The following CAPN14 variants were observed in gnomAD, a reference collection of about 807,000 sequenced individuals.
The protein encoded by CAPN14 is calpain-14.
In CAPN14, 94 loss-of-function variants were observed where a neutral mutation model predicts 101.3. The ratio of observed to expected loss-of-function variants is 0.93; its 90% CI spans 0.79 to 1.10. CAPN14 has a LOEUF of 1.10. Ranked by LOEUF, CAPN14 falls within the 50% of genes least tolerant of loss-of-function variation. The probability of loss-of-function intolerance (pLI) is 0.00; values close to 1 mark genes in which losing one functional copy is unlikely to be tolerated. For missense variants in CAPN14, 837 were observed against 828.4 expected (o/e 1.01, Z -0.13); for synonymous variants, 338 against 317.9 (o/e 1.06, Z -0.67).
chr2:31,200,392 G>T, intron 6 of CAPN14, 59 bp downstream of exon 6: 2 of 1,446,428 alleles, frequency 1.4e-6, no homozygotes, highest in South Asian at 1.4e-5. Flanking sequence ...TAGTGGTGGT[G>T]GATGGAGGGC....
At chr2:31,206,038 A>T (rs9752146) in intron 1 of CAPN14, among the ~76,000 whole-genome samples, 47,774 of 94,964 alleles carry the variant, frequency 0.5, 10,582 homozygotes, top group East Asian at 0.7. Flanking sequence ...TTATTTATTT[A>T]TTTTTTTTTT....
At chr2:31,228,565 G>A (rs745696311) in intron 1 of CAPN14, among the ~76,000 whole-genome samples, 2 of 152,120 alleles carry the variant, frequency 1.3e-5, no homozygotes, top group Non-Finnish European at 2.9e-5. Context: ...AACTTATTAG[G>A]TGCCAGCATA....
In CAPN14 at chr2:31,189,291, G is replaced by T; in HGVS notation, c.1475C>A (p.Ser492Tyr). 1 of 1,551,322 alleles carries T rather than the reference G, an allele frequency of 6.4e-7. No homozygotes were observed. The highest frequency in any genetic ancestry group is 8.7e-7 in the Non-Finnish European group (1 of 1,146,986). The change falls in exon 13 of 22, where the codon TCC (serine) becomes TAC (tyrosine). Residue 492 changes from serine (S) to tyrosine (Y), a missense_variant. Ser to Tyr is a moderately radical substitution (Grantham distance 144). Coordinates refer to ENST00000403897, the MANE Select transcript of CAPN14 (RefSeq NM_001145122.2). ...QKSEFVLRVF[S>Y]RKHIFYEIGS... ...TCCTTACTAAAAGATGTGCTTCCTG[G>T]AGAAGACCCTGAGGACGAACTCTGA...
chr2:31,217,660 C>A (rs574902515), upstream of CAPN14: 1 of 152,388 alleles, frequency 6.6e-6, no homozygotes, highest in African/African-American at 2.4e-5. Context: ...CAGGGCTTTG[C>A]GACTGGATTA....
intron 2 of CAPN14, among the ~76,000 whole-genome samples, chr2:31,226,146 G>T (rs1173439467): frequency 6.6e-6 from 1 of 152,062 alleles, no homozygotes; most frequent in Non-Finnish European, 1.5e-5. Flanking sequence ...GAGAACAGAA[G>T]ATCATTGAAC....
chr2:31,178,125 C>T (rs1195939678), intron 18 of CAPN14, among the ~76,000 whole-genome samples: 3 of 152,210 alleles, frequency 2.0e-5, no homozygotes, highest in African/African-American at 7.2e-5. Flanking sequence ...GTGATTCCAG[C>T]TTTCTGACTC....
At chr2:31,174,803 C>T (rs887328498) in intron 21 of CAPN14, 96 bp from the exon 22 acceptor site, 6 of 1,176,684 alleles carry the variant, frequency 5.1e-6, no homozygotes, top group African/African-American at 4.6e-5. Context: ...GGAGACAGAA[C>T]ATTAATGGAT....
upstream of CAPN14, among the ~76,000 whole-genome samples, chr2:31,218,722 C>T (rs1211943162): frequency 6.6e-6 from 1 of 152,142 alleles, no homozygotes; most frequent in South Asian, 2.1e-4. Flanking sequence ...CCAAGATAAC[C>T]GCAGCCAGTA....
rs779759847 is a variant in CAPN14 at position 31,202,270 on chromosome 2, C to T, written c.296-18G>A. On this transcript the variant is annotated intron_variant, in intron 3 of 21. Coordinates refer to ENST00000403897, the MANE Select transcript of CAPN14 (RefSeq NM_001145122.2). ...GCAGTCTCCTAAGTCAGACAGCACA[C>T]AGCATCTGCATGAATCTACTGGGGA... 2.4e-5 allele frequency: 36 copies of T among 1,530,912 alleles called. No homozygotes were observed. In the Middle Eastern group the frequency reaches 1.7e-3, roughly 71 times the overall value. The allele number at this position is 1,530,912 out of a possible 1,614,324, so 94.8% of individuals were successfully genotyped here. A position where few individuals can be genotyped will look rare whatever the true frequency, so the allele number is the denominator to read the frequency against.
In CAPN14 at chr2:31,194,417, T is replaced by C; in HGVS notation, c.942A>G (p.Gly314=). 6.4e-7 allele frequency: 1 copy of C among 1,551,142 alleles called. No individual in the cohort carries two copies. Among genetic ancestry groups the C allele is most frequent in the Non-Finnish European group, 8.7e-7 (1 of 1,146,570 alleles). ...KILLLRKDND[G]EFWMTLQDFK... ...GTCCCTAAGTCCAATACCAGAATTC[T>C]CCGTCATTGTCTTTCCTCAGAAGCA... Residue 314 remains glycine (G), a synonymous_variant, in exon 9 of 22, where the codon GGA becomes GGG. Coordinates refer to ENST00000403897, the MANE Select transcript of CAPN14 (RefSeq NM_001145122.2).
chr2:31,187,688 CT>C, intron 15 of CAPN14, 69 bp downstream of exon 15: 1 of 1,377,042 alleles, frequency 7.3e-7, no homozygotes, highest in Non-Finnish European at 1.0e-6. Flanking sequence ...CAAACCTATA[CT>C]TTATAAAATG....
chr2:31,187,953 G>T, intron 14 of CAPN14, 139 bp from the exon 15 acceptor site: 1 of 718,604 alleles, frequency 1.4e-6, no homozygotes, highest in Non-Finnish European at 2.3e-6. Context: ...TTACACCATA[G>T]CATTTACAAA....
intron 2 of CAPN14, among the ~76,000 whole-genome samples, chr2:31,225,967 G>A (rs1683010727): frequency 6.6e-6 from 1 of 151,918 alleles, no homozygotes; most frequent in Non-Finnish European, 1.5e-5. Context: ...GTAAGGGAGG[G>A]CGACTATTCA....
chr2:31,217,259 A>T (rs370707784), intron 1 of CAPN14, among the ~76,000 whole-genome samples, 197 bp downstream of exon 1: 4 of 152,132 alleles, frequency 2.6e-5, no homozygotes, highest in Non-Finnish European at 4.4e-5. Flanking sequence ...CCTCAAGGTC[A>T]CACTAATAAG....
chr2:31,200,546 T>G lies in CAPN14; in HGVS notation c.631A>C (p.Thr211Pro). 6.4e-7 allele frequency: 1 copy of G among 1,551,646 alleles called. No individual in the cohort carries two copies. Among genetic ancestry groups the G allele is most frequent in the Non-Finnish European group, 8.7e-7 (1 of 1,146,984 alleles). The change falls in exon 6 of 22, where the codon ACC (threonine) becomes CCC (proline). Residue 211 changes from threonine (T) to proline (P), a missense_variant. By Grantham distance (38) the Thr-to-Pro change is conservative. Coordinates refer to ENST00000403897, the MANE Select transcript of CAPN14 (RefSeq NM_001145122.2). The stretch of plus-strand genomic sequence containing the variant: ...CCATGGGCTTCTGCCAGGTTGATGG[T>G]CATTGTCACCCCTCCAGTGAAGTCT... ...LVDFTGGVTM[T>P]INLAEAHGNL...
chr2:31,220,260 G>C (rs1682822377), upstream of CAPN14, among the ~76,000 whole-genome samples: 1 of 152,182 alleles, frequency 6.6e-6, no homozygotes, highest in Non-Finnish European at 1.5e-5. Flanking sequence ...GCTCCAAGGT[G>C]ACCCTTCATG....
intron 7 of CAPN14, among the ~76,000 whole-genome samples, chr2:31,197,612 G>A (rs930600341): frequency 1.3e-5 from 2 of 152,220 alleles, no homozygotes; most frequent in Non-Finnish European, 2.9e-5. Flanking sequence ...CCTCCCCAAA[G>A]AGGATATGTA....
chr2:31,190,490 GTCCTGGGTTTAGTTT>G (rs971647636), intron 12 of CAPN14, among the ~76,000 whole-genome samples: 2 of 152,262 alleles, frequency 1.3e-5, no homozygotes, highest in African/African-American at 2.4e-5. Flanking sequence ...CACGGTAGCT[GTCCTGGGTTTAGTTT>G]TCCTGGTAGA....
intron 21 of CAPN14, among the ~76,000 whole-genome samples, chr2:31,176,380 A>G (rs1352678323): frequency 6.6e-6 from 1 of 152,238 alleles, no homozygotes; most frequent in African/African-American, 2.4e-5. Flanking sequence ...TACACCTTTC[A>G]TATGTGCCTG....
Sources: gnomAD v4.1 joint callset for allele counts (sites outside exome capture counted in the v4.1 genomes callset) on GRCh38, gnomAD v4.1.1 for gene constraint, MANE v1.5 for transcripts, NCBI Gene and HGNC (gene_info 2026-07-23, HGNC 2026-07-21) for gene names.